LCORL: variants seen among roughly 807,000 people sequenced by gnomAD.
LCORL encodes ligand dependent nuclear receptor corepressor like.
LCORL carries 41 observed loss-of-function variants against 141.8 expected under a neutral mutation model. The ratio of observed to expected loss-of-function variants is 0.29; its 90% CI spans 0.23 to 0.38. The LOEUF is 0.38. Among genes scored for constraint, LCORL ranks in the 10% least tolerant of loss-of-function variants. The pLI is 1.00. For missense variants in LCORL, 1,759 were observed against 2,035.0 expected, an observed-to-expected ratio of 0.86 and a Z score of 2.61; for synonymous variants, 618 against 694.1, an observed-to-expected ratio of 0.89 and a Z score of 1.72.
At chr4:17,848,004 T>C (rs1021288345) in intron 7 of LCORL, among the ~76,000 whole-genome samples, 5 of 152,210 alleles carry the variant, frequency 3.3e-5, no homozygotes, top group African/African-American at 1.2e-4. Flanking sequence ...GCTATTTGAC[T>C]AAGGTGTTTT....
rs1474981065 is a variant in LCORL, at chr4:17,990,257, C to T, written c.155-17372G>A. ...GGGACTACAGGCGCCCACCACCACG[C>T]CCGGCTAATTTTTTGTATTTTTAGT... is the stretch of plus-strand genomic sequence containing the variant. On this transcript the variant is annotated intron_variant, in intron 1 of 7. Coordinates refer to ENST00000635767, the Ensembl canonical transcript of LCORL. Among the ~76,000 whole-genome samples the T allele has an allele frequency of 2.0e-5, 3 of 151,962 alleles. No homozygotes were observed. The East Asian group carries it at 5.8e-4, about 29-fold the overall frequency.
chr4:17,949,218 C>T (rs73802709), intron 4 of LCORL, among the ~76,000 whole-genome samples: 30 of 152,094 alleles, frequency 2.0e-4, no homozygotes, highest in Middle Eastern at 6.8e-3. Context: ...CTTTTGACTA[C>T]GTGTACAATT....
chr4:17,946,579 T>C (rs979411264), intron 4 of LCORL, among the ~76,000 whole-genome samples: 4 of 151,970 alleles, frequency 2.6e-5, no homozygotes, highest in Non-Finnish European at 1.5e-5. Flanking sequence ...TAGGTATTCC[T>C]TGCCTTTAAG....
At chr4:17,906,144 T>TA (rs1731577393) in intron 5 of LCORL, among the ~76,000 whole-genome samples, 1 of 152,204 alleles carries the variant, frequency 6.6e-6, no homozygotes, top group Non-Finnish European at 1.5e-5. Context: ...TGTTAGTGGG[T>TA]ACATATACAC....
At chr4:17,906,172 C>T (rs1321119562) in intron 5 of LCORL, among the ~76,000 whole-genome samples, 1 of 152,156 alleles carries the variant, frequency 6.6e-6, no homozygotes, top group Non-Finnish European at 1.5e-5. Context: ...TATGTACACA[C>T]AAATGCATCA....
chr4:17,988,529 A>G (rs1236304178), intron 1 of LCORL, among the ~76,000 whole-genome samples: 4 of 151,768 alleles, frequency 2.6e-5, no homozygotes, highest in African/African-American at 4.8e-5. Flanking sequence ...CTGCTCATCT[A>G]CTCCTAAGCT....
chr4:17,962,307 T>C (rs1037673281), intron 3 of LCORL, among the ~76,000 whole-genome samples: 5 of 151,780 alleles, frequency 3.3e-5, no homozygotes, highest in African/African-American at 4.8e-5. Flanking sequence ...ATTCACTATA[T>C]TGGCATGCCA....
intron 4 of LCORL, among the ~76,000 whole-genome samples, chr4:17,952,477 G>A (rs1009577831): frequency 1.0e-4 from 15 of 148,686 alleles, no homozygotes; most frequent in African/African-American, 1.5e-4. Context: ...GTGCAGTGGC[G>A]CGATCTCGGC....
intron 4 of LCORL, among the ~76,000 whole-genome samples, chr4:17,934,226 TTAA>T (rs926422107): frequency 2.0e-5 from 3 of 151,982 alleles, no homozygotes; most frequent in African/African-American, 7.2e-5. Flanking sequence ...TGAACTTCAG[TTAA>T]TAATAATGTA....
intron 5 of LCORL, 22 bp downstream of exon 5, chr4:17,909,072 A>AT (rs1477956949): frequency 6.4e-7 from 1 of 1,564,628 alleles, no homozygotes; most frequent in South Asian, 1.2e-5. Flanking sequence ...ATTATATATT[A>AT]AATGCACACA....
At chr4:17,955,340 A>T (rs1053034786) in intron 4 of LCORL, among the ~76,000 whole-genome samples, 5 of 152,316 alleles carry the variant, frequency 3.3e-5, no homozygotes, top group Admixed American at 1.3e-4. Context: ...GTGGAGTGGT[A>T]GGAAAGAAAG....
intron 6 of LCORL, among the ~76,000 whole-genome samples, chr4:17,885,751 C>A (rs1728179239): frequency 1.3e-5 from 2 of 151,764 alleles, no homozygotes; most frequent in African/African-American, 4.8e-5. Context: ...TACATATTTC[C>A]CTTAAAATTG....
chr4:17,953,133 AT>A (rs1215695937), intron 4 of LCORL, among the ~76,000 whole-genome samples: 1 of 152,072 alleles, frequency 6.6e-6, no homozygotes, highest in Non-Finnish European at 1.5e-5. Flanking sequence ...CATTTTCTTT[AT>A]CCAGTCTACC....
At chr4:17,857,608 T>A (rs1318288036) in intron 7 of LCORL, among the ~76,000 whole-genome samples, 1 of 152,000 alleles carries the variant, frequency 6.6e-6, no homozygotes, top group East Asian at 1.9e-4. Flanking sequence ...TTTAGTAGCA[T>A]CCCTACATTT....
At chr4:17,897,396 T>C (rs978510543) in intron 5 of LCORL, among the ~76,000 whole-genome samples, 2 of 151,882 alleles carry the variant, frequency 1.3e-5, no homozygotes, top group African/African-American at 4.8e-5. Context: ...GATTCAATTA[T>C]CTTATTGGGG....
At chr4:17,927,267 C>T (rs138871889) in intron 4 of LCORL, among the ~76,000 whole-genome samples, 23 of 152,350 alleles carry the variant, frequency 1.5e-4, no homozygotes, top group African/African-American at 5.5e-4. Context: ...ATTAAAGAGA[C>T]TTAGGCCCTT....
chr4:17,842,240 C>A, exon 8 of LCORL: 1 of 1,316,046 alleles, frequency 7.6e-7, no homozygotes, highest in Non-Finnish European at 1.1e-6. Flanking sequence ...ATTTAGTTAG[C>A]CTAGAAACTA....
chr4:17,999,839 T>C (rs993880388), intron 1 of LCORL, among the ~76,000 whole-genome samples: 4 of 152,206 alleles, frequency 2.6e-5, no homozygotes, highest in African/African-American at 9.6e-5. Flanking sequence ...AAATGTCTTT[T>C]GGCAATTTTC....
exon 8 of LCORL, chr4:17,843,607 GA>G: frequency 7.6e-6 from 4 of 528,642 alleles, no homozygotes; most frequent in Non-Finnish European, 9.9e-6. Flanking sequence ...TTATAGTCCA[GA>G]AAAAGTGTGC....
Sources: allele counts gnomAD v4.1 joint callset (sites outside exome capture counted in the v4.1 genomes callset), GRCh38; gene constraint gnomAD v4.1.1; transcripts MANE v1.5; gene names NCBI Gene and HGNC (gene_info 2026-07-23, HGNC 2026-07-21).